DACH2: variants seen among roughly 807,000 people sequenced by gnomAD.
DACH2 encodes the protein dachshund family transcription factor 2, also known as dachshund homolog 2.
In DACH2, 17 loss-of-function variants were observed where a neutral mutation model predicts 35.8. The ratio of observed to expected loss-of-function variants is 0.48; its 90% confidence interval spans 0.33 to 0.71. The LOEUF is 0.71. DACH2 is among the 30% of genes least tolerant of loss of function. The pLI is 0.02. For synonymous variants in DACH2, 195 were observed against 177.3 expected, an observed-to-expected ratio of 1.10 and a Z score of -0.79; for missense variants, 469 against 472.7, an observed-to-expected ratio of 0.99 and a Z score of 0.07.
chrX:86,334,346 G>A (rs4339786), intron 1 of DACH2, among the ~76,000 whole-genome samples: 25,434 of 111,303 alleles, frequency 0.23, 3,778 homozygotes, highest in African/African-American at 0.55. Context: ...TGTCTTCCAT[G>A]ATGGTTGAAC....
At chrX:86,726,768 C>A (rs144080059) in intron 6 of DACH2, among the ~76,000 whole-genome samples, 88 of 111,955 alleles carry the variant, frequency 7.9e-4, no homozygotes, top group African/African-American at 2.8e-3. Context: ...GCCAAGATTG[C>A]TAAAGTCTGT....
At chrX:86,482,783 A>G (rs1361245909) in intron 2 of DACH2, among the ~76,000 whole-genome samples, 1 of 110,712 alleles carries the variant, frequency 9.0e-6, no homozygotes, top group African/African-American at 3.3e-5. Context: ...AATGTGGCAC[A>G]TATACACCAT....
intron 2 of DACH2, among the ~76,000 whole-genome samples, chrX:86,497,650 T>C (rs768206071): frequency 9.9e-5 from 11 of 111,540 alleles, no homozygotes; most frequent in Non-Finnish European, 1.9e-4. Flanking sequence ...CTCTGCTTTA[T>C]GCTTTCTATG....
chrX:86,408,859 T>A (rs2036565826), intron 2 of DACH2, among the ~76,000 whole-genome samples: 1 of 111,990 alleles, frequency 8.9e-6, no homozygotes, highest in Admixed American at 9.5e-5. Context: ...TTACCCTGGA[T>A]GATCGAATAT....
At chrX:86,714,502 C>A in intron 5 of DACH2, 46 bp from the exon 6 acceptor site, 1 of 1,053,521 alleles carries the variant, frequency 9.5e-7, no homozygotes, top group South Asian at 2.6e-5. Context: ...CAAACTATTT[C>A]AGATAATCAT....
chrX:86,315,788 GACACACACACACACAC>G lies in DACH2; in HGVS notation c.489-60998_489-60983del, dbSNP rs774427717. On this transcript the variant is annotated intron_variant, in intron 1 of 11. Coordinates refer to ENST00000373125, the MANE Select transcript of DACH2 (RefSeq NM_053281.3). Reference sequence around the variant, plus strand: ...ACGGCCAAGGAAATTGAGGGTCGTGGACACACACACACACACACACACACACACACACACACACACA... The same window carrying G: ...ACGGCCAAGGAAATTGAGGGTCGTGGACACACACACACACACACACACACA... Among the ~76,000 whole-genome samples, 328 of 78,505 alleles carry G rather than the reference GACACACACACACACAC, an allele frequency of 4.2e-3. 2 individuals are homozygous for G. The highest frequency in any genetic ancestry group is 0.015 in the African/African-American group (306 of 19,798). 68.2% of individuals were successfully genotyped at this position (78,505 alleles called of 115,157 possible).
chrX:86,374,161 C>A (rs1191186063), intron 1 of DACH2, among the ~76,000 whole-genome samples: 1 of 110,560 alleles, frequency 9.0e-6, no homozygotes, highest in Non-Finnish European at 1.9e-5. Context: ...AATATCATAT[C>A]TCTGATTCTT....
At chrX:86,574,757 T>C (rs189092343) in intron 3 of DACH2, among the ~76,000 whole-genome samples, 14 of 111,914 alleles carry the variant, frequency 1.3e-4, no homozygotes, top group Admixed American at 2.9e-4. Flanking sequence ...GCCCTTATGC[T>C]GCAGCAATGT....
At chrX:86,379,867 G>C (rs1176871977) in intron 2 of DACH2, among the ~76,000 whole-genome samples, 3 of 110,646 alleles carry the variant, frequency 2.7e-5, no homozygotes, top group Non-Finnish European at 3.8e-5. Context: ...GCCCTTTCCA[G>C]ATCATCAGCT....
chrX:86,230,805 G>A (rs751597066), intron 1 of DACH2, among the ~76,000 whole-genome samples: 1 of 111,279 alleles, frequency 9.0e-6, no homozygotes, highest in East Asian at 2.8e-4. Flanking sequence ...ATGATCTTTT[G>A]TATTTCAGTG....
intron 7 of DACH2, among the ~76,000 whole-genome samples, chrX:86,751,377 A>G (rs753498841): frequency 1.8e-5 from 2 of 111,190 alleles, no homozygotes; most frequent in East Asian, 5.7e-4. Flanking sequence ...CAAAAACCAC[A>G]TGATTTGCTA....
At chrX:86,764,013 T>C (rs1387612713) in intron 7 of DACH2, among the ~76,000 whole-genome samples, 1 of 111,862 alleles carries the variant, frequency 8.9e-6, no homozygotes, top group African/African-American at 3.3e-5. Flanking sequence ...CCTGTTCTTA[T>C]GTATTCCAAC....
chrX:86,526,457 T>A lies in DACH2; in HGVS notation c.640+12066T>A, dbSNP rs192501389. Among the ~76,000 whole-genome samples, 266 of 111,744 alleles carry A rather than the reference T, an allele frequency of 2.4e-3. 1 individual carries two copies. Among genetic ancestry groups the A allele is most frequent in the African/African-American group, 7.7e-3 (237 of 30,822 alleles). On this transcript the variant is annotated intron_variant, in intron 3 of 11. Transcript: ENST00000373125. ...TTGTAGTGGTGAAAATGTTTTCTTG[T>A]GACTTGTTTGCTCCCTTTCTGGCAA...
At chrX:86,753,241 C>T (rs912606997) in intron 7 of DACH2, among the ~76,000 whole-genome samples, 1 of 111,338 alleles carries the variant, frequency 9.0e-6, no homozygotes, top group Non-Finnish European at 1.9e-5. Flanking sequence ...TAATAAATCT[C>T]GACATCAGGT....
At chrX:86,172,338 T>A (rs2031152338) in intron 1 of DACH2, among the ~76,000 whole-genome samples, 1 of 112,014 alleles carries the variant, frequency 8.9e-6, no homozygotes, top group Non-Finnish European at 1.9e-5. Flanking sequence ...GACTTTTTTT[T>A]ACTCAATGTT....
At chrX:86,784,679 A>C (rs968935449) in intron 7 of DACH2, among the ~76,000 whole-genome samples, 2 of 111,914 alleles carry the variant, frequency 1.8e-5, no homozygotes, top group Non-Finnish European at 3.8e-5. Flanking sequence ...ACATGAGTGC[A>C]TATGTTCCTT....
At chrX:86,243,713 T>A (rs889742534) in intron 1 of DACH2, among the ~76,000 whole-genome samples, 1 of 112,189 alleles carries the variant, frequency 8.9e-6, no homozygotes. Context: ...TTCATCAGAA[T>A]AAGACTGTAA....
chrX:86,656,306 G>GTTTT lies in DACH2; in HGVS notation c.772+5139_772+5140insTTTT, dbSNP rs2040539543. On this transcript the variant is annotated intron_variant, in intron 4 of 11. Coordinates refer to ENST00000373125, the MANE Select transcript of DACH2 (RefSeq NM_053281.3). ...TGTTGATTACAATCTTATTGACAAA[G>GTTTT]ATTTCTAAAATTAAAATTTAGAGTC... 8.1e-5 allele frequency among the ~76,000 whole-genome samples: 9 copies of GTTTT among 110,685 alleles called. No homozygotes were observed. The Admixed American group carries it at 8.7e-4, about 11-fold the overall frequency.
chrX:86,259,382 A>G (rs745577889), intron 1 of DACH2, among the ~76,000 whole-genome samples: 1 of 111,770 alleles, frequency 8.9e-6, no homozygotes, highest in East Asian at 2.8e-4. Flanking sequence ...TATTAATTCC[A>G]TGATTCGTTT....
Sources: gnomAD v4.1 joint callset for allele counts (sites outside exome capture counted in the v4.1 genomes callset) on GRCh38, gnomAD v4.1.1 for gene constraint, MANE v1.5 for transcripts, NCBI Gene and HGNC (gene_info 2026-07-23, HGNC 2026-07-21) for gene names.